The following CAMK1D variants were observed in gnomAD, a reference collection of about 807,000 sequenced individuals.
CAMK1D encodes the protein calcium/calmodulin dependent protein kinase ID.
A neutral mutation model predicts 47.7 loss-of-function variants in CAMK1D; 9 were observed. The ratio of observed to expected loss-of-function variants is 0.19; its 90% CI spans 0.11 to 0.33. The LOEUF (loss-of-function observed/expected upper bound fraction) is 0.33, where lower values mean the gene tolerates loss of function less well. CAMK1D is among the 10% of genes least tolerant of loss of function. The pLI is 1.00. For missense variants in CAMK1D, 291 were observed against 488.7 expected (o/e 0.60, Z 3.81); for synonymous variants, 184 against 184.9 (o/e 0.99, Z 0.04).
At chr10:12,495,640 A>G (rs1834516066) in intron 1 of CAMK1D, among the ~76,000 whole-genome samples, 2 of 152,212 alleles carry the variant, frequency 1.3e-5, no homozygotes, top group Non-Finnish European at 2.9e-5. Flanking sequence ...TGAGGAATAA[A>G]CAGGTGGACA....
intron 2 of CAMK1D, among the ~76,000 whole-genome samples, chr10:12,586,554 C>T (rs1229677294): frequency 6.6e-6 from 1 of 151,338 alleles, no homozygotes; most frequent in Non-Finnish European, 1.5e-5. Context: ...AAAAACAATA[C>T]CCATTCTCCA....
chr10:12,593,902 C>T (rs1007346327), intron 2 of CAMK1D, among the ~76,000 whole-genome samples: 2 of 152,030 alleles, frequency 1.3e-5, no homozygotes, highest in Non-Finnish European at 2.9e-5. Context: ...CATGGCCAGG[C>T]GCGGTGGCTC....
chr10:12,351,092 G>C (rs1023148297), intron 1 of CAMK1D, among the ~76,000 whole-genome samples: 1 of 152,010 alleles, frequency 6.6e-6, no homozygotes, highest in African/African-American at 2.4e-5. Flanking sequence ...GTCTGCTGCT[G>C]TTCAGTCATT....
In CAMK1D at chr10:12,589,462, C is replaced by G. The variant is rs115867371; in HGVS notation, c.224+36106C>G. Among the ~76,000 whole-genome samples the G allele has an allele frequency of 4.6e-5, 7 of 152,312 alleles. No homozygotes were observed. The East Asian group carries it at 9.6e-4, about 21-fold the overall frequency. ...CAGGCCATGGCTGAGCTTCACTGAC[C>G]GTGCTTGCTTTGCCTTTTGTGATTT... On this transcript the variant is annotated intron_variant, in intron 2 of 10. Transcript: ENST00000619168.
At chr10:12,441,765 C>A (rs1249705877) in intron 1 of CAMK1D, among the ~76,000 whole-genome samples, 1 of 152,098 alleles carries the variant, frequency 6.6e-6, no homozygotes, top group Non-Finnish European at 1.5e-5. Flanking sequence ...TGCCACTGCA[C>A]TCCAGCCTGG....
intron 2 of CAMK1D, among the ~76,000 whole-genome samples, chr10:12,599,033 G>C (rs576790321): frequency 4.6e-5 from 7 of 152,298 alleles, no homozygotes; most frequent in African/African-American, 1.4e-4. Flanking sequence ...ATTCAGAGAG[G>C]GGGTGTGACC....
chr10:12,368,019 T>C (rs889078283), intron 1 of CAMK1D, among the ~76,000 whole-genome samples: 6 of 151,982 alleles, frequency 3.9e-5, no homozygotes, highest in East Asian at 1.9e-4. Context: ...AGTGAAACCC[T>C]GTCTCTACTA....
chr10:12,391,976 AACACACACAC>A (rs10659393), intron 1 of CAMK1D, among the ~76,000 whole-genome samples: 40 of 143,252 alleles, frequency 2.8e-4, no homozygotes, highest in Admixed American at 4.2e-4. Flanking sequence ...CTTGTCTTAA[AACACACACAC>A]ACACACACAC....
At chr10:12,655,851 C>G (rs965955272) in intron 2 of CAMK1D, among the ~76,000 whole-genome samples, 1 of 152,188 alleles carries the variant, frequency 6.6e-6, no homozygotes. Context: ...TGTTCTGTGT[C>G]CAGCTGACAA....
intron 3 of CAMK1D, among the ~76,000 whole-genome samples, chr10:12,698,710 G>T (rs1410071618): frequency 8.5e-6 from 1 of 118,216 alleles, no homozygotes; most frequent in Non-Finnish European, 1.6e-5. Context: ...GTGTCGCTCT[G>T]TCACCAGGCT....
At position 12,835,483 on chromosome 10, in the gene CAMK1D, CAT is replaced by C. The variant is rs1833491286; in HGVS notation, c.*6598_*6599del. ...CATGTATACATATCAAGATTTCTAT[CAT>C]AATGATAATGAGATTGATGACTTCC... is the stretch of plus-strand genomic sequence containing the variant. On this transcript the variant is annotated 3_prime_UTR_variant, in exon 11 of 11. Transcript: ENST00000619168. The C allele has an allele frequency of 6.6e-6, 1 of 152,222 alleles. No individual in the cohort carries two copies. The highest frequency in any genetic ancestry group is 1.5e-5 in the Non-Finnish European group (1 of 68,056). The allele number at this position is 152,222 out of a possible 1,614,324, so 9.4% of individuals were successfully genotyped here. A position where few individuals can be genotyped will look rare whatever the true frequency, so the allele number is the denominator to read the frequency against.
chr10:12,370,668 C>T (rs892701822), intron 1 of CAMK1D, among the ~76,000 whole-genome samples: 7 of 152,108 alleles, frequency 4.6e-5, no homozygotes, highest in Non-Finnish European at 1.0e-4. Flanking sequence ...ACTGCGGTGG[C>T]GTGATCTTGG....
In CAMK1D at chr10:12,518,498, T is replaced by A. The variant is rs1016627843; in HGVS notation, c.93-34727T>A. ...TTTTTTTATTTTTTATTTTTTATTTTTTTTTTTTATTGATCATTCTTGGGT... is the reference window on the plus strand; with the variant it reads ...TTTTTTTATTTTTTATTTTTTATTTATTTTTTTTATTGATCATTCTTGGGT... On this transcript the variant is annotated intron_variant, in intron 1 of 10. Transcript: ENST00000619168. Among the ~76,000 whole-genome samples, 17 of 103,468 alleles carry A rather than the reference T, an allele frequency of 1.6e-4. 6 individuals are homozygous for A. The highest frequency in any genetic ancestry group is 1.3e-3 in the Admixed American group (14 of 10,846). The allele number at this position is 103,468 out of a possible 152,430, so 67.9% of individuals were successfully genotyped here. A position where few individuals can be genotyped will look rare whatever the true frequency, so the allele number is the denominator to read the frequency against.
intron 2 of CAMK1D, among the ~76,000 whole-genome samples, chr10:12,563,692 A>AGAGAGAGAGAGAGAGAGAGAGAGG (rs1564414480): frequency 1.1e-4 from 7 of 63,804 alleles, no homozygotes; most frequent in East Asian, 4.2e-4. Context: ...AGAGAGAGAG[A>AGAGAGAGAGAGAGAGAGAGAGAGG]GAGAGAGGGA....
At chr10:12,626,788 CTTAAAAATTTA>C (rs1385202698) in intron 2 of CAMK1D, among the ~76,000 whole-genome samples, 1 of 151,998 alleles carries the variant, frequency 6.6e-6, no homozygotes, top group Non-Finnish European at 1.5e-5. Context: ...CATTAAATTT[CTTAAAAATTTA>C]TTTCTACTAC....
intron 3 of CAMK1D, among the ~76,000 whole-genome samples, chr10:12,695,797 G>A (rs1833269624): frequency 6.6e-6 from 1 of 152,142 alleles, no homozygotes; most frequent in African/African-American, 2.4e-5. Flanking sequence ...AAGGAATACT[G>A]GCCGGGCATG....
intron 1 of CAMK1D, among the ~76,000 whole-genome samples, chr10:12,430,856 T>G (rs1832449243): frequency 7.2e-6 from 1 of 139,412 alleles, no homozygotes; most frequent in Non-Finnish European, 1.6e-5. Context: ...GTTTAACCGA[T>G]TCTCCTGCTT....
At chr10:12,540,973 G>A (rs541292939) in intron 1 of CAMK1D, among the ~76,000 whole-genome samples, 2 of 148,850 alleles carry the variant, frequency 1.3e-5, no homozygotes, top group Admixed American at 1.3e-4. Context: ...TAGCTTAAGC[G>A]TTAGCATAAA....
chr10:12,437,132 A>G (rs1832656152), intron 1 of CAMK1D, among the ~76,000 whole-genome samples: 1 of 81,448 alleles, frequency 1.2e-5, no homozygotes, highest in Non-Finnish European at 3.0e-5. Context: ...TCTTAAACAG[A>G]CCGACTATCT....
Sources: gnomAD v4.1 joint callset for allele counts (sites outside exome capture counted in the v4.1 genomes callset) on GRCh38, gnomAD v4.1.1 for gene constraint, MANE v1.5 for transcripts, NCBI Gene and HGNC (gene_info 2026-07-23, HGNC 2026-07-21) for gene names.